OC90: variants seen among roughly 807,000 people sequenced by gnomAD.
The protein encoded by OC90 is otoconin-90.
A neutral mutation model predicts 47.3 loss-of-function variants in OC90; 46 were observed. That is an observed-to-expected ratio of 0.97 (90% CI 0.77 to 1.24). The LOEUF is 1.24. Ranked by LOEUF, OC90 falls within the 50% of genes most tolerant of loss-of-function variation. The probability of loss-of-function intolerance (pLI) is 0.00; values close to 1 mark genes in which losing one functional copy is unlikely to be tolerated. For synonymous variants in OC90, 271 were observed against 219.5 expected, an observed-to-expected ratio of 1.23 and a Z score of -2.07; for missense variants, 688 against 583.9, an observed-to-expected ratio of 1.18 and a Z score of -1.84.
rs1252727535 is a variant in OC90 at position 132,028,816 on chromosome 8, AAAG to A, written c.1138+254_1138+256del. Among the ~76,000 whole-genome samples, 13 of 150,714 alleles carry A rather than the reference AAAG, an allele frequency of 8.6e-5. No homozygotes were observed. In the East Asian group the frequency reaches 2.3e-3, roughly 27 times the overall value. On this transcript the variant is annotated intron_variant, in intron 13 of 13. Coordinates refer to ENST00000254627, the MANE Select transcript of OC90 (RefSeq NM_001080399.3). Reference sequence around the variant, plus strand: ...AGAAGAAGGAAAGAAAGAAAGAAAGAAAGAAAAAGAAAGAAAGAAAGAAAAGGA... The same window carrying A: ...AGAAGAAGGAAAGAAAGAAAGAAAGAAAAAAGAAAGAAAGAAAGAAAAGGA...
intron 11 of OC90, 86 bp downstream of exon 11, chr8:132,032,953 A>G (rs1822897627): frequency 1.4e-6 from 2 of 1,425,780 alleles, no homozygotes; most frequent in Non-Finnish European, 1.9e-6. Context: ...AGAAGGTCAC[A>G]GTGTGAAAAG....
rs1823051184 is a variant in OC90, at chr8:132,041,449, G to A, written c.344+76C>T. 3.8e-6 allele frequency: 5 copies of A among 1,332,424 alleles called. No homozygotes were observed. The South Asian group carries it at 7.0e-5, about 19-fold the overall frequency. 82.5% of individuals were successfully genotyped at this position (1,332,424 alleles called of 1,614,324 possible). A position where few individuals can be genotyped will look rare whatever the true frequency, so the allele number is the denominator to read the frequency against. On this transcript the variant is annotated intron_variant, in intron 5 of 13. Transcript: ENST00000254627. ...AGTCCAGGGGCTTTTCTGTATTTGT[G>A]CTCTTGCCAAGGTATCAGCCAGGCC...
intron 9 of OC90, among the ~76,000 whole-genome samples, chr8:132,036,910 G>GT (rs1405786795): frequency 6.6e-6 from 1 of 152,180 alleles, no homozygotes; most frequent in African/African-American, 2.4e-5. Flanking sequence ...AGTGTGTGCT[G>GT]TTTTTTATAG....
chr8:132,034,631 A>G, intron 10 of OC90, 150 bp downstream of exon 10: 1 of 576,460 alleles, frequency 1.7e-6, no homozygotes, highest in Non-Finnish European at 3.1e-6. Flanking sequence ...CATTTGGGGA[A>G]TAAATGCTTC....
chr8:132,038,547 T>A (rs563450724), intron 8 of OC90, among the ~76,000 whole-genome samples: 16 of 152,366 alleles, frequency 1.1e-4, no homozygotes, highest in Admixed American at 9.8e-4. Flanking sequence ...CCACACTGGA[T>A]TAAATTCACA....
intron 6 of OC90, 27 bp downstream of exon 6, chr8:132,041,017 G>A: frequency 7.2e-7 from 1 of 1,381,552 alleles, no homozygotes; most frequent in Non-Finnish European, 1.0e-6. Context: ...CTGGGCCCAG[G>A]CCCCTGGGAC....
At chr8:132,040,430 G>GTAT (rs1466014118) in intron 6 of OC90, among the ~76,000 whole-genome samples, 1 of 152,122 alleles carries the variant, frequency 6.6e-6, no homozygotes, top group Non-Finnish European at 1.5e-5. Context: ...ATGCCTTTGC[G>GTAT]TATTCTACCT....
chr8:132,044,212 C>A (rs866342929), intron 4 of OC90, among the ~76,000 whole-genome samples: 1 of 152,104 alleles, frequency 6.6e-6, no homozygotes, highest in African/African-American at 2.4e-5. Context: ...TGAGTCAGGA[C>A]TAATGAAGTA....
At chr8:132,039,452 A>T (rs1586710698) in intron 6 of OC90, among the ~76,000 whole-genome samples, 1 of 152,100 alleles carries the variant, frequency 6.6e-6, no homozygotes, top group East Asian at 1.9e-4. Flanking sequence ...TGGCCTCCTA[A>T]CTATGCCCCC....
Position 132,024,481 on chromosome 8 carries a change from C to T in OC90, c.1434G>A (p.Ter478=). 6.5e-7 allele frequency: 1 copy of T among 1,535,842 alleles called. No homozygotes were observed. Among genetic ancestry groups the T allele is most frequent in the Non-Finnish European group, 8.8e-7 (1 of 1,141,162 alleles). The change falls in exon 14 of 14, where the codon TAG becomes TAA. Residue 478 remains the stop codon, a stop_retained_variant. Transcript: ENST00000254627. ...GGTGTTAGCCATTTTCTCTGGGCAT[C>T]TATCTTCCATGAAGAGGCCCGATCC... ...PLGIGPLHGR[*] is the part of the protein sequence containing the mutation.
At chr8:132,038,971 C>G in intron 7 of OC90, 24 bp downstream of exon 7, 1 of 1,613,982 alleles carries the variant, frequency 6.2e-7, no homozygotes, top group Non-Finnish European at 8.5e-7. Context: ...AGCCCCACGG[C>G]TGATGCAGCC....
Position 132,037,447 on chromosome 8 carries a change from A to C in OC90, c.670T>G (p.Ser224Ala). ...GCCCCTTCTGGCTCACCTTCTCCTG[A>C]AAGGGCTGTCAGGCTGGTGTCTGTG... ...EPTDTSLTAL[S>A]GEEAGHDQEG... The change falls in exon 9 of 14, where the codon TCA becomes GCA. Residue 224 changes from serine to alanine, a missense_variant. Transcript: ENST00000254627. 6.9e-6 allele frequency: 11 copies of C among 1,584,054 alleles called. No individual in the cohort carries two copies. The highest frequency in any genetic ancestry group is 9.5e-6 in the Non-Finnish European group (11 of 1,163,774).
At chr8:132,036,136 G>T (rs907376819) in intron 9 of OC90, among the ~76,000 whole-genome samples, 1 of 152,186 alleles carries the variant, frequency 6.6e-6, no homozygotes, top group African/African-American at 2.4e-5. Flanking sequence ...GAAAGAAATA[G>T]TCTTACAGCC....
chr8:132,041,696 C>G lies in OC90; in HGVS notation c.173G>C (p.Cys58Ser). ...CAGCCAGGTGAAGTGGGGGCCCAGG[C>G]AATCTGTGGGGGTGGGGGGCAGGGC... ...NVESVAEIFD[C>S]LGPHFTWLQA... is the part of the protein sequence containing the mutation. Residue 58 changes from cysteine to serine, a missense_variant, in exon 5 of 14, where the codon TGC (cysteine) becomes TCC (serine). By Grantham distance (112) the Cys-to-Ser change is moderately radical (BLOSUM62 -1). Transcript: ENST00000254627. 4 of 1,441,636 alleles carry G rather than the reference C, an allele frequency of 2.8e-6. No homozygotes were observed. The highest frequency in any genetic ancestry group is 3.8e-6 in the Non-Finnish European group (4 of 1,049,846). 89.3% of individuals were successfully genotyped at this position (1,441,636 alleles called of 1,614,324 possible).
chr8:132,034,892 T>A, intron 9 of OC90, 58 bp from the exon 10 acceptor site: 1 of 1,352,674 alleles, frequency 7.4e-7, no homozygotes, highest in Non-Finnish European at 1.1e-6. Flanking sequence ...CCCACCTGGG[T>A]TTCCAGAGGC....
chr8:132,033,522 G>A (rs561055594), intron 10 of OC90, among the ~76,000 whole-genome samples: 1 of 152,264 alleles, frequency 6.6e-6, no homozygotes, highest in Admixed American at 6.5e-5. Flanking sequence ...AGAAACTGAT[G>A]GAGAAATTAA....
At chr8:132,039,556 C>T (rs531108628) in intron 6 of OC90, among the ~76,000 whole-genome samples, 9 of 152,244 alleles carry the variant, frequency 5.9e-5, no homozygotes, top group South Asian at 2.1e-4. Flanking sequence ...CTGTTCAGAA[C>T]GTCCCAGCGT....
At chr8:132,031,086 G>A (rs745515947) in intron 12 of OC90, among the ~76,000 whole-genome samples, 1 of 152,134 alleles carries the variant, frequency 6.6e-6, no homozygotes, top group Non-Finnish European at 1.5e-5. Flanking sequence ...CTTGATCAAC[G>A]CTACTTTGAG....
intron 11 of OC90, 103 bp downstream of exon 11, chr8:132,032,936 C>A: frequency 1.5e-6 from 2 of 1,296,416 alleles, no homozygotes; most frequent in East Asian, 2.5e-5. Flanking sequence ...CTCATCACAC[C>A]CCCATGAGAA....
Sources: gnomAD v4.1 joint callset for allele counts (sites outside exome capture counted in the v4.1 genomes callset) on GRCh38, gnomAD v4.1.1 for gene constraint, MANE v1.5 for transcripts, NCBI Gene and HGNC (gene_info 2026-07-23, HGNC 2026-07-21) for gene names.